Variants in PDE11A observed in about 807,000 individuals in gnomAD.
PDE11A encodes phosphodiesterase 11A, also known as dual 3',5'-cyclic-AMP and -GMP phosphodiesterase 11A.
A neutral mutation model predicts 100.5 loss-of-function variants in PDE11A; 100 were observed. That is an observed-to-expected ratio of 1.00 (90% CI 0.85 to 1.18). PDE11A has a LOEUF of 1.18. PDE11A is among the 50% of genes most tolerant of loss of function. The probability of loss-of-function intolerance (pLI) is 0.00; values close to 1 mark genes in which losing one functional copy is unlikely to be tolerated. For synonymous variants in PDE11A, 381 were observed against 420.8 expected (o/e 0.91, Z 1.16); for missense variants, 1,141 against 1,152.6 (o/e 0.99, Z 0.15).
intron 2 of PDE11A, among the ~76,000 whole-genome samples, chr2:177,935,365 A>G (rs1250088376): frequency 1.3e-5 from 2 of 152,230 alleles, no homozygotes; most frequent in Non-Finnish European, 2.9e-5. Flanking sequence ...ACGAATTTGC[A>G]AAGGTCCAGA....
intron 4 of PDE11A, among the ~76,000 whole-genome samples, chr2:177,883,610 G>A (rs546050942): frequency 1.3e-5 from 2 of 152,154 alleles, no homozygotes; most frequent in African/African-American, 4.8e-5. Flanking sequence ...GACAAGTGGG[G>A]GAAGTTTCCC....
intron 5 of PDE11A, among the ~76,000 whole-genome samples, chr2:177,860,430 ATAAT>A (rs1272164968): frequency 1.3e-5 from 2 of 151,850 alleles, no homozygotes; most frequent in Non-Finnish European, 2.9e-5. Flanking sequence ...TAAACTTATA[ATAAT>A]TAGAGAGGTT....
At chr2:177,794,527 T>C (rs895644871) in intron 9 of PDE11A, among the ~76,000 whole-genome samples, 3 of 152,180 alleles carry the variant, frequency 2.0e-5, no homozygotes, top group Admixed American at 2.0e-4. Context: ...GGGCCCAGTA[T>C]ACTTGCTAAA....
chr2:178,016,169 G>GA (rs2086335146), intron 1 of PDE11A, among the ~76,000 whole-genome samples: 1 of 114,012 alleles, frequency 8.8e-6, no homozygotes, highest in Non-Finnish European at 1.7e-5. Context: ...TTTTAGTAGA[G>GA]ATGGGGTTTC....
intron 2 of PDE11A, among the ~76,000 whole-genome samples, chr2:178,005,810 C>A (rs2086203040): frequency 6.6e-6 from 1 of 152,194 alleles, no homozygotes; most frequent in Admixed American, 6.5e-5. Flanking sequence ...CTATAACTTA[C>A]TAAGTTCATT....
At chr2:177,779,826 G>T (rs1315190725) in intron 9 of PDE11A, among the ~76,000 whole-genome samples, 1 of 152,138 alleles carries the variant, frequency 6.6e-6, no homozygotes, top group African/African-American at 2.4e-5. Flanking sequence ...CTCCTCCAGG[G>T]AATCATAAAT....
At chr2:177,995,642 C>T (rs1490493609) in intron 2 of PDE11A, among the ~76,000 whole-genome samples, 4 of 91,736 alleles carry the variant, frequency 4.4e-5, no homozygotes, top group African/African-American at 1.2e-4. Context: ...ACTCCACAAA[C>T]ACCACCCACC....
At chr2:178,073,266 A>T (rs895036334), upstream of PDE11A, among the ~76,000 whole-genome samples, 1 of 152,146 alleles carries the variant, frequency 6.6e-6, no homozygotes, top group Admixed American at 6.5e-5. Flanking sequence ...TTGCTCACTA[A>T]CACTGCCCAG....
intron 19 of PDE11A, among the ~76,000 whole-genome samples, chr2:177,633,627 C>T (rs868180382): frequency 2.6e-5 from 4 of 152,272 alleles, no homozygotes; most frequent in African/African-American, 7.2e-5. Flanking sequence ...ACTCCAGCAG[C>T]GATCAAAATC....
chr2:177,643,343 G>A (rs1574091127), intron 19 of PDE11A, among the ~76,000 whole-genome samples: 3 of 152,328 alleles, frequency 2.0e-5, no homozygotes, highest in Non-Finnish European at 2.9e-5. Context: ...GGTGGTCTCA[G>A]ATGGAGATGA....
intron 4 of PDE11A, among the ~76,000 whole-genome samples, chr2:177,881,368 T>TATCC (rs1361408995): frequency 6.7e-6 from 1 of 150,206 alleles, no homozygotes; most frequent in Non-Finnish European, 1.5e-5. Context: ...TCTATCTATC[T>TATCC]ATCTATCTAT....
chr2:177,827,504 G>C (rs2083244391), intron 6 of PDE11A, among the ~76,000 whole-genome samples: 1 of 152,102 alleles, frequency 6.6e-6, no homozygotes, highest in East Asian at 1.9e-4. Flanking sequence ...TCTTATTGTA[G>C]GCAAAAAGCA....
At chr2:178,074,924 T>A (rs561254826), upstream of PDE11A, among the ~76,000 whole-genome samples, 1 of 152,124 alleles carries the variant, frequency 6.6e-6, no homozygotes, top group Admixed American at 6.5e-5. Flanking sequence ...AGGGCTGTAA[T>A]GGAGGGCTGA....
chr2:178,011,505 G>A (rs1389711241), intron 2 of PDE11A, among the ~76,000 whole-genome samples: 1 of 152,164 alleles, frequency 6.6e-6, no homozygotes, highest in Non-Finnish European at 1.5e-5. Flanking sequence ...CGAGGTATAG[G>A]GGAAGAGGTG....
At chr2:177,899,447 C>A (rs539823658) in intron 3 of PDE11A, 12 of 204,582 alleles carry the variant, frequency 5.9e-5, no homozygotes, top group Non-Finnish European at 1.2e-4. Flanking sequence ...AAAACAAAAC[C>A]AAAAAACATT....
chr2:178,009,761 A>G (rs1417706497), intron 2 of PDE11A, among the ~76,000 whole-genome samples: 1 of 152,268 alleles, frequency 6.6e-6, no homozygotes, highest in Non-Finnish European at 1.5e-5. Context: ...TTAGGTACAT[A>G]AATAGCCCAG....
intron 1 of PDE11A, among the ~76,000 whole-genome samples, chr2:178,055,065 C>G (rs1215536810): frequency 6.6e-6 from 1 of 152,100 alleles, no homozygotes; most frequent in Non-Finnish European, 1.5e-5. Flanking sequence ...TATTTTGGCA[C>G]TATTCACAAT....
chr2:177,696,155 A>C (rs1163209376), intron 15 of PDE11A, among the ~76,000 whole-genome samples: 1 of 152,210 alleles, frequency 6.6e-6, no homozygotes, highest in Non-Finnish European at 1.5e-5. Flanking sequence ...CAAGTTTAGA[A>C]CTTCCTTTGA....
chr2:178,071,578 A>T lies in PDE11A; in HGVS notation c.860T>A (p.Ile287Asn), dbSNP rs999906948. ...TTCTCCATGCTCCCCGACATAGCCA[A>T]TGATACCTTTGCCCCAGGGGACCTG... Reference protein sequence around the residue: ...EVQVPWGKGIIGYVGEHGETV... With the variant: ...EVQVPWGKGINGYVGEHGETV... Residue 287 changes from isoleucine (I) to asparagine (N), a missense_variant, in exon 1 of 20, where the codon ATT (isoleucine) becomes AAT (asparagine). Transcript: ENST00000286063. 2.5e-6 allele frequency: 4 copies of T among 1,613,638 alleles called. No individual in the cohort carries two copies. The highest frequency in any genetic ancestry group is 2.5e-6 in the Non-Finnish European group (3 of 1,179,544).
Sources: gnomAD v4.1 joint callset for allele counts (sites outside exome capture counted in the v4.1 genomes callset) on GRCh38, gnomAD v4.1.1 for gene constraint, MANE v1.5 for transcripts, NCBI Gene and HGNC (gene_info 2026-07-23, HGNC 2026-07-21) for gene names.